HDAC9: variants seen among roughly 807,000 people sequenced by gnomAD.
HDAC9 encodes the protein histone deacetylase 9.
Under a neutral mutation model 139.4 loss-of-function variants are expected in HDAC9, and 41 were observed. That is an observed-to-expected ratio of 0.29 (90% CI 0.23 to 0.38). The LOEUF is 0.38. HDAC9 is among the 10% of genes least tolerant of loss of function. The probability of loss-of-function intolerance (pLI) is 1.00; values close to 1 mark genes in which losing one functional copy is unlikely to be tolerated. For missense variants in HDAC9, 1,147 were observed against 1,297.0 expected (o/e 0.88, Z 1.78); for synonymous variants, 517 against 476.2 (o/e 1.09, Z -1.12).
At chr7:18,857,422 A>C (rs1797774522) in intron 21 of HDAC9, among the ~76,000 whole-genome samples, 1 of 151,102 alleles carries the variant, frequency 6.6e-6, no homozygotes, top group African/African-American at 2.4e-5. Flanking sequence ...TTGTGGTTTG[A>C]GAATTTTGAA....
chr7:18,850,510 T>A (rs1426977516), intron 21 of HDAC9, among the ~76,000 whole-genome samples: 1 of 152,218 alleles, frequency 6.6e-6, no homozygotes, highest in East Asian at 1.9e-4. Context: ...AATGAAGAAG[T>A]ATTTTTTATC....
intron 2 of HDAC9, among the ~76,000 whole-genome samples, chr7:18,237,700 T>C (rs1793916419): frequency 6.6e-6 from 1 of 152,144 alleles, no homozygotes; most frequent in South Asian, 2.1e-4. Context: ...TAATGAAAAA[T>C]AAGCCAGCCT....
chr7:18,476,554 C>A (rs1795124988), intron 1 of HDAC9, among the ~76,000 whole-genome samples: 1 of 151,634 alleles, frequency 6.6e-6, no homozygotes, highest in Admixed American at 6.6e-5. Flanking sequence ...TGACCCCAAA[C>A]CCAACATGAC....
intron 12 of HDAC9, among the ~76,000 whole-genome samples, chr7:18,704,733 T>G (rs1211864232): frequency 6.6e-6 from 1 of 152,180 alleles, no homozygotes; most frequent in Non-Finnish European, 1.5e-5. Context: ...GCAGGAAAGG[T>G]ATTCTCTTGC....
intron 3 of HDAC9, among the ~76,000 whole-genome samples, chr7:18,588,005 T>C (rs1829930412): frequency 1.3e-5 from 2 of 152,184 alleles, no homozygotes; most frequent in Non-Finnish European, 2.9e-5. Context: ...TCTGCTACCA[T>C]GGAATATTAT....
chr7:18,897,407 T>C (rs1023799443), intron 22 of HDAC9, among the ~76,000 whole-genome samples: 1 of 151,974 alleles, frequency 6.6e-6, no homozygotes, highest in African/African-American at 2.4e-5. Context: ...TTTTCCTTTG[T>C]TTTCTTAGAA....
chr7:18,781,566 G>C (rs1299415209), intron 16 of HDAC9, among the ~76,000 whole-genome samples: 1 of 151,898 alleles, frequency 6.6e-6, no homozygotes, highest in Non-Finnish European at 1.5e-5. Context: ...GCTTTCTTTG[G>C]GCAATAGATT....
chr7:18,590,664 T>C (rs912002888), intron 4 of HDAC9, among the ~76,000 whole-genome samples, 178 bp downstream of exon 4: 2 of 152,228 alleles, frequency 1.3e-5, no homozygotes, highest in Admixed American at 6.5e-5. Flanking sequence ...GCTCACATCA[T>C]TGAGTCTGCA....
intron 21 of HDAC9, among the ~76,000 whole-genome samples, chr7:18,868,867 A>G (rs1585188251): frequency 6.6e-6 from 1 of 152,034 alleles, no homozygotes; most frequent in East Asian, 1.9e-4. Context: ...CTTTCATAAA[A>G]ACTCAAGAGG....
At chr7:18,945,144 A>G (rs1055365002) in intron 23 of HDAC9, among the ~76,000 whole-genome samples, 9 of 152,218 alleles carry the variant, frequency 5.9e-5, no homozygotes, top group African/African-American at 2.2e-4. Context: ...TTGTACTCCT[A>G]CCAGTGGCAT....
At chr7:18,668,200 A>G (rs938407443) in intron 12 of HDAC9, 18 of 872,334 alleles carry the variant, frequency 2.1e-5, no homozygotes, top group Non-Finnish European at 2.5e-5. Context: ...TAGAAGTTAG[A>G]AAGTTTAAAA....
At chr7:18,364,879 G>A (rs551207235) in intron 1 of HDAC9, among the ~76,000 whole-genome samples, 5 of 152,162 alleles carry the variant, frequency 3.3e-5, no homozygotes, top group African/African-American at 9.6e-5. Context: ...GTGAAAAAAC[G>A]TTAGATAATA....
At chr7:18,936,529 C>G (rs1781646761) in intron 23 of HDAC9, among the ~76,000 whole-genome samples, 1 of 152,196 alleles carries the variant, frequency 6.6e-6, no homozygotes, top group African/African-American at 2.4e-5. Context: ...AACATACTTT[C>G]TGACTACTCT....
At chr7:18,859,573 G>A (rs1397060584) in intron 21 of HDAC9, among the ~76,000 whole-genome samples, 1 of 150,648 alleles carries the variant, frequency 6.6e-6, no homozygotes, top group Non-Finnish European at 1.5e-5. Flanking sequence ...ACTTGATGAT[G>A]CTGCCTTCCT....
intron 2 of HDAC9, among the ~76,000 whole-genome samples, chr7:18,229,724 C>T (rs1449913151): frequency 6.6e-6 from 1 of 152,110 alleles, no homozygotes; most frequent in Non-Finnish European, 1.5e-5. Flanking sequence ...TTTACTTATT[C>T]CTGAGAGCTG....
intron 22 of HDAC9, chr7:18,906,902 C>T (rs1003260601): frequency 1.3e-5 from 2 of 152,140 alleles, no homozygotes; most frequent in African/African-American, 4.8e-5. Context: ...GTTTTTAAGC[C>T]CTGGAAAGCC....
At chr7:18,814,603 C>T (rs1485436423) in intron 17 of HDAC9, among the ~76,000 whole-genome samples, 1 of 152,096 alleles carries the variant, frequency 6.6e-6, no homozygotes, top group Non-Finnish European at 1.5e-5. Flanking sequence ...CCCACCCCAA[C>T]TTGCTATAAA....
intron 12 of HDAC9, among the ~76,000 whole-genome samples, chr7:18,727,150 A>G (rs1233777632): frequency 6.6e-6 from 1 of 152,252 alleles, no homozygotes; most frequent in East Asian, 1.9e-4. Context: ...AAATAAATTC[A>G]GGAGAGAATT....
intron 21 of HDAC9, among the ~76,000 whole-genome samples, chr7:18,869,108 A>T (rs1462460850): frequency 5.3e-5 from 8 of 151,530 alleles, no homozygotes; most frequent in Non-Finnish European, 1.0e-4. Flanking sequence ...GGGGCATGGG[A>T]ACCCCAAATT....
Sources: gnomAD v4.1 joint callset for allele counts (sites outside exome capture counted in the v4.1 genomes callset) on GRCh38, gnomAD v4.1.1 for gene constraint, MANE v1.5 for transcripts, NCBI Gene and HGNC (gene_info 2026-07-23, HGNC 2026-07-21) for gene names.